Variants in CDS1 observed in about 807,000 individuals in gnomAD.
The protein encoded by CDS1 is phosphatidate cytidylyltransferase 1.
A neutral mutation model predicts 62.1 loss-of-function variants in CDS1; 41 were observed. That is an observed-to-expected ratio of 0.66 (90% CI 0.51 to 0.86). The LOEUF (loss-of-function observed/expected upper bound fraction) is 0.86, where lower values mean the gene tolerates loss of function less well. Ranked by LOEUF, CDS1 falls within the 40% of genes least tolerant of loss-of-function variation. The pLI is 0.00. For missense variants in CDS1, 470 were observed against 550.1 expected (o/e 0.85, Z 1.46); for synonymous variants, 185 against 192.6 (o/e 0.96, Z 0.32).
At chr4:84,623,848 A>G (rs932934709) in intron 5 of CDS1, among the ~76,000 whole-genome samples, 2 of 151,790 alleles carry the variant, frequency 1.3e-5, no homozygotes, top group Non-Finnish European at 2.9e-5. Context: ...GCTCCTTTTC[A>G]TGACTGCAGT....
chr4:84,641,010 T>C lies in CDS1; in HGVS notation c.1032+20T>C. The stretch of plus-strand genomic sequence containing the variant: ...AGACAGGTACAGTAAAAGTTCAAGA[T>C]AAACATGGTTAGAGATCTTCCACTC... On this transcript the variant is annotated intron_variant, in intron 10 of 12. Coordinates refer to ENST00000295887, the MANE Select transcript of CDS1 (RefSeq NM_001263.4). The C allele has an allele frequency of 6.7e-7, 1 of 1,488,502 alleles. No individual in the cohort carries two copies. Among genetic ancestry groups the C allele is most frequent in the South Asian group, 1.4e-5 (1 of 68,968 alleles). The allele number at this position is 1,488,502 out of a possible 1,614,324, so 92.2% of individuals were successfully genotyped here. A position where few individuals can be genotyped will look rare whatever the true frequency, so the allele number is the denominator to read the frequency against.
Position 84,587,738 on chromosome 4 carries a change from G to A in CDS1, c.117+4220G>A, listed in dbSNP as rs538826896. ...AGAAATGGCATACAAGTTTATTAAC[G>A]TGTGGGGTGGGAGGAGGGAGACAGA... On this transcript the variant is annotated intron_variant, in intron 1 of 12. Coordinates refer to ENST00000295887, the MANE Select transcript of CDS1 (RefSeq NM_001263.4). Among the ~76,000 whole-genome samples the A allele has an allele frequency of 4.6e-4, 70 of 152,256 alleles. No homozygotes were observed. The South Asian group carries it at 5.0e-3, about 11-fold the overall frequency.
chr4:84,643,899 G>T (rs1724471331), intron 11 of CDS1, among the ~76,000 whole-genome samples: 1 of 152,204 alleles, frequency 6.6e-6, no homozygotes, highest in South Asian at 2.1e-4. Context: ...AGTGGCTATG[G>T]AAGTTGGGGT....
chr4:84,617,331 A>G (rs1372542032), intron 3 of CDS1, among the ~76,000 whole-genome samples: 1 of 152,034 alleles, frequency 6.6e-6, no homozygotes, highest in Non-Finnish European at 1.5e-5. Flanking sequence ...GCCATTCCCC[A>G]CCCCAGGAAG....
At position 84,591,572 on chromosome 4, in the gene CDS1, A is replaced by AG. The variant is rs376604975; in HGVS notation, c.117+8054_117+8055insG. On this transcript the variant is annotated intron_variant, in intron 1 of 12. Coordinates refer to ENST00000295887, the MANE Select transcript of CDS1 (RefSeq NM_001263.4). ...TTCCCTGCATGGAATAATGATATAA[A>AG]CTAATTTTTTAGTGCAAAATAATTT... 8.7e-4 allele frequency among the ~76,000 whole-genome samples: 133 copies of AG among 152,338 alleles called. 1 individual carries two copies. The highest frequency in any genetic ancestry group is 3.2e-3 in the African/African-American group (132 of 41,582).
chr4:84,618,396 T>C (rs1015900761), intron 4 of CDS1, among the ~76,000 whole-genome samples: 1 of 152,186 alleles, frequency 6.6e-6, no homozygotes, highest in Non-Finnish European at 1.5e-5. Flanking sequence ...ATAAAGTAAT[T>C]GGAGAATAAT....
chr4:84,628,968 T>C (rs1723937620), intron 5 of CDS1, among the ~76,000 whole-genome samples: 1 of 152,222 alleles, frequency 6.6e-6, no homozygotes, highest in African/African-American at 2.4e-5. Flanking sequence ...CACAATACTA[T>C]GTAGATAAAT....
intron 9 of CDS1, 29 bp from the exon 10 acceptor site, chr4:84,640,809 G>GT: frequency 6.8e-7 from 1 of 1,473,388 alleles, no homozygotes; most frequent in South Asian, 1.5e-5. Context: ...TTTGTTTTTT[G>GT]TTTTGTTTTG....
intron 5 of CDS1, among the ~76,000 whole-genome samples, chr4:84,620,513 C>A (rs191840344): frequency 6.6e-6 from 1 of 151,484 alleles, no homozygotes; most frequent in Non-Finnish European, 1.5e-5. Flanking sequence ...TGAGCCACCG[C>A]GCCTGGCCTA....
chr4:84,635,660 T>TTCCTTCCC (rs1275165170), intron 8 of CDS1, among the ~76,000 whole-genome samples: 2 of 124,046 alleles, frequency 1.6e-5, no homozygotes, highest in East Asian at 5.0e-4. Flanking sequence ...CCTTCCTTCC[T>TTCCTTCCC]TCCTTCCTTC....
At chr4:84,627,971 T>C (rs1317079168) in intron 5 of CDS1, among the ~76,000 whole-genome samples, 2 of 152,186 alleles carry the variant, frequency 1.3e-5, no homozygotes, top group African/African-American at 4.8e-5. Flanking sequence ...CTTTTTAAAA[T>C]GTTAACTAAT....
intron 1 of CDS1, among the ~76,000 whole-genome samples, chr4:84,589,918 C>G (rs1274447221): frequency 6.6e-6 from 1 of 152,224 alleles, no homozygotes; most frequent in Admixed American, 6.5e-5. Context: ...TCACGCCATT[C>G]TTCTGCCTCA....
At chr4:84,619,942 G>T (rs193065577) in intron 5 of CDS1, among the ~76,000 whole-genome samples, 24 of 150,050 alleles carry the variant, frequency 1.6e-4, no homozygotes, top group African/African-American at 5.9e-4. Flanking sequence ...TGAGGCAGGA[G>T]AATCGCTTGA....
chr4:84,625,767 G>A (rs1723838504), intron 5 of CDS1, among the ~76,000 whole-genome samples: 1 of 151,566 alleles, frequency 6.6e-6, no homozygotes, highest in African/African-American at 2.4e-5. Context: ...AAGTAGGTTG[G>A]GAGACATGAT....
Position 84,609,491 on chromosome 4 carries a change from T to A in CDS1, c.308T>A (p.Ile103Asn), listed in dbSNP as rs763623904. 6 of 1,610,024 alleles carry A rather than the reference T, an allele frequency of 3.7e-6. No homozygotes were observed. The highest frequency in any genetic ancestry group is 5.1e-6 in the Non-Finnish European group (6 of 1,176,470). Residue 103 changes from isoleucine to asparagine, a missense_variant, in exon 3 of 13, where the codon ATC becomes AAC. Transcript: ENST00000295887. ...ACTATGATCTCGTTGTTTTTCCTGA[T>A]CATCTATATGGGATCCTTCATGCTG... ...TLTMISLFFL[I>N]IYMGSFMLML...
At chr4:84,612,674 TTAATTAAAGAAGAAAATAAGAGTATTA>T (rs1463858209) in intron 3 of CDS1, among the ~76,000 whole-genome samples, 1 of 152,034 alleles carries the variant, frequency 6.6e-6, no homozygotes, top group African/African-American at 2.4e-5. Context: ...ATTGGTGAGT[TTAATTAAAGAAGAAAATAAGAGTATTA>T]AAGATCTGGC....
At chr4:84,619,639 G>T in intron 5 of CDS1, 106 bp downstream of exon 5, 1 of 640,196 alleles carries the variant, frequency 1.6e-6, no homozygotes, top group Admixed American at 3.5e-5. Context: ...TTTTATTCCA[G>T]CCTCTCTTTT....
rs143052916 is a variant in CDS1, at chr4:84,611,603, A to G, written c.342+2078A>G. ...TAAAGTGGCTTTTATAAGCACCTCAAAGCCTCTTTCACTTCTCTTTTTGTC... is the reference window on the plus strand; with the variant it reads ...TAAAGTGGCTTTTATAAGCACCTCAGAGCCTCTTTCACTTCTCTTTTTGTC... On this transcript the variant is annotated intron_variant, in intron 3 of 12. Coordinates refer to ENST00000295887, the MANE Select transcript of CDS1 (RefSeq NM_001263.4). 4.6e-5 allele frequency among the ~76,000 whole-genome samples: 7 copies of G among 152,308 alleles called. No homozygotes were observed. In the South Asian group the frequency reaches 8.3e-4, roughly 18 times the overall value.
chr4:84,642,977 A>G lies in CDS1; in HGVS notation c.1033-47A>G, dbSNP rs1724436228. 5 of 1,566,466 alleles carry G rather than the reference A, an allele frequency of 3.2e-6. No homozygotes were observed. In the East Asian group the frequency reaches 9.1e-5, roughly 28 times the overall value. On this transcript the variant is annotated intron_variant, in intron 10 of 12. Coordinates refer to ENST00000295887, the MANE Select transcript of CDS1 (RefSeq NM_001263.4). Reference sequence around the variant, plus strand: ...AGATCAGGTGGTATGCTCAAATACAATTTCAGTGAAATTAGCCCCTCTCCT... The same window carrying G: ...AGATCAGGTGGTATGCTCAAATACAGTTTCAGTGAAATTAGCCCCTCTCCT...
Sources: gnomAD v4.1 joint callset for allele counts (sites outside exome capture counted in the v4.1 genomes callset) on GRCh38, gnomAD v4.1.1 for gene constraint, MANE v1.5 for transcripts, NCBI Gene and HGNC (gene_info 2026-07-23, HGNC 2026-07-21) for gene names.